The following PHKA1 variants were observed in gnomAD, a reference collection of about 807,000 sequenced individuals.
PHKA1 encodes phosphorylase b kinase regulatory subunit alpha, skeletal muscle isoform.
PHKA1 carries 60 observed loss-of-function variants against 110.2 expected under a neutral mutation model. The ratio of observed to expected loss-of-function variants is 0.54; its 90% CI spans 0.44 to 0.68. The LOEUF is 0.68. Ranked by LOEUF, PHKA1 falls within the 30% of genes least tolerant of loss-of-function variation. PHKA1 has a pLI of 0.00. For synonymous variants in PHKA1, 316 were observed against 333.6 expected (o/e 0.95, Z 0.58); for missense variants, 801 against 942.5 (o/e 0.85, Z 1.97).
chrX:72,650,993 CATGAGCCACTGCACCCAGCTGG>C (rs1556298856), intron 12 of PHKA1, among the ~76,000 whole-genome samples: 1 of 112,370 alleles, frequency 8.9e-6, no homozygotes, highest in African/African-American at 3.2e-5. Flanking sequence ...GGATTATAAG[CATGAGCCACTGCACCCAGCTGG>C]GTATAAATTA....
intron 29 of PHKA1, among the ~76,000 whole-genome samples, chrX:72,587,996 A>G (rs2052459829): frequency 9.0e-6 from 1 of 111,359 alleles, no homozygotes; most frequent in Admixed American, 9.5e-5. Context: ...AGACTTTAAC[A>G]CCCCATGTCA....
intron 29 of PHKA1, among the ~76,000 whole-genome samples, chrX:72,586,301 C>A (rs782456098): frequency 8.9e-6 from 1 of 112,188 alleles, no homozygotes; most frequent in Admixed American, 9.4e-5. Flanking sequence ...CTGGAGGGGA[C>A]CTCCAGCAAA....
intron 29 of PHKA1, among the ~76,000 whole-genome samples, chrX:72,591,559 A>G (rs1408294333): frequency 9.0e-6 from 1 of 110,796 alleles, no homozygotes; most frequent in Non-Finnish European, 1.9e-5. Flanking sequence ...TTAAAGTATA[A>G]TTAAAAAAAA....
At chrX:72,682,777 A>C (rs1416336152) in intron 5 of PHKA1, among the ~76,000 whole-genome samples, 3 of 81,350 alleles carry the variant, frequency 3.7e-5, no homozygotes, top group Non-Finnish European at 7.1e-5. Context: ...AATCAGGGAC[A>C]CAAACACTGC....
intron 16 of PHKA1, among the ~76,000 whole-genome samples, chrX:72,632,749 CA>C (rs1264876420): frequency 8.9e-6 from 1 of 111,890 alleles, no homozygotes; most frequent in Non-Finnish European, 1.9e-5. Flanking sequence ...GGTAATGTTG[CA>C]GGGACTGAAA....
At chrX:72,601,078 G>A (rs557867086) in intron 28 of PHKA1, among the ~76,000 whole-genome samples, 1 of 111,238 alleles carries the variant, frequency 9.0e-6, no homozygotes, top group South Asian at 3.8e-4. Flanking sequence ...AGCTATGGAA[G>A]CTTTTGTTAA....
chrX:72,627,091 A>T (rs1240543571), intron 16 of PHKA1, 42 bp from the exon 17 acceptor site: 1 of 974,719 alleles, frequency 1.0e-6, no homozygotes, highest in Admixed American at 2.2e-5. Context: ...TGTGGTTTTA[A>T]CTCTGAAGTA....
intron 3 of PHKA1, among the ~76,000 whole-genome samples, chrX:72,702,097 G>C (rs2054212179): frequency 9.0e-6 from 1 of 110,530 alleles, no homozygotes; most frequent in Non-Finnish European, 1.9e-5. Flanking sequence ...TGAAAACTCA[G>C]CTGTGCTTTC....
intron 2 of PHKA1, among the ~76,000 whole-genome samples, chrX:72,711,259 G>A (rs782463734): frequency 2.1e-4 from 23 of 111,732 alleles, no homozygotes; most frequent in East Asian, 1.4e-3. Flanking sequence ...TGGTCAAATT[G>A]TACCAGATAT....
rs781854761 is a variant in PHKA1, at chrX:72,712,762, A to AT, written c.237+16dup. On this transcript the variant is annotated intron_variant, in intron 2 of 31. Coordinates refer to ENST00000373542, the MANE Select transcript of PHKA1 (RefSeq NM_002637.4). ...CACACATAGCTCCAGATCTCTTTGT[A>AT]TTTTTATTTTGAGTACCTGCTCCAA... 8.3e-7 allele frequency: 1 copy of AT among 1,202,426 alleles called. No individual in the cohort carries two copies. The highest frequency in any genetic ancestry group is 1.8e-5 in the African/African-American group (1 of 56,917).
At chrX:72,606,860 C>T (rs184213099) in intron 23 of PHKA1, among the ~76,000 whole-genome samples, 15 of 111,636 alleles carry the variant, frequency 1.3e-4, no homozygotes, top group Non-Finnish European at 2.8e-4. Flanking sequence ...ACCCCCAACG[C>T]CCATAAACCC....
At chrX:72,581,445 A>G (rs2052336073) in intron 31 of PHKA1, among the ~76,000 whole-genome samples, 1 of 112,136 alleles carries the variant, frequency 8.9e-6, no homozygotes, top group African/African-American at 3.2e-5. Context: ...AATTTCTAAA[A>G]GTTAAATATA....
At chrX:72,609,272 G>A (rs1556256340) in intron 23 of PHKA1, among the ~76,000 whole-genome samples, 1 of 111,918 alleles carries the variant, frequency 8.9e-6, no homozygotes, top group East Asian at 2.8e-4. Context: ...TATTCCCCAT[G>A]AGCAGCATGG....
chrX:72,593,341 C>CTTT (rs11373841), intron 28 of PHKA1, 67 bp from the exon 29 acceptor site: 412 of 616,073 alleles, frequency 6.7e-4, no homozygotes, highest in Non-Finnish European at 8.0e-4. Flanking sequence ...AGTCTTTGAA[C>CTTT]TTTTTTTTTT....
rs554075871 is a variant in PHKA1 at position 72,595,702 on chromosome X, C to T, written c.3073-2428G>A. On this transcript the variant is annotated intron_variant, in intron 28 of 31. Coordinates refer to ENST00000373542, the MANE Select transcript of PHKA1 (RefSeq NM_002637.4). ...ACACACATGTAAAGATGCTCAACAT[C>T]ACTAATCATCATGGAAATGCGGATC... is the stretch of plus-strand genomic sequence containing the variant. 1.2e-4 allele frequency among the ~76,000 whole-genome samples: 13 copies of T among 111,600 alleles called. No individual in the cohort carries two copies. The South Asian group carries it at 5.0e-3, about 43-fold the overall frequency.
intron 29 of PHKA1, among the ~76,000 whole-genome samples, chrX:72,585,330 A>C (rs781872931): frequency 1.8e-5 from 2 of 111,879 alleles, no homozygotes; most frequent in Non-Finnish European, 3.8e-5. Context: ...ACAAAATTCT[A>C]TAAGAATTTT....
At chrX:72,697,781 G>A (rs187071947) in intron 3 of PHKA1, among the ~76,000 whole-genome samples, 223 of 109,236 alleles carry the variant, frequency 2.0e-3, no homozygotes, top group African/African-American at 7.1e-3. Context: ...TCAGGAGATC[G>A]AGACCATCCT....
intron 2 of PHKA1, 37 bp from the exon 3 acceptor site, chrX:72,705,282 T>C: frequency 9.3e-7 from 1 of 1,071,849 alleles, no homozygotes; most frequent in African/African-American, 1.8e-5. Flanking sequence ...GTTATAAACA[T>C]CCCTAGATAC....
At chrX:72,623,069 T>C (rs1556279804) in intron 18 of PHKA1, 40 bp downstream of exon 18, 1 of 1,208,919 alleles carries the variant, frequency 8.3e-7, no homozygotes, top group African/African-American at 1.7e-5. Context: ...TATTTTGTAG[T>C]TTTGTCCAGC....
Sources: gnomAD v4.1 joint callset for allele counts (sites outside exome capture counted in the v4.1 genomes callset) on GRCh38, gnomAD v4.1.1 for gene constraint, MANE v1.5 for transcripts, NCBI Gene and HGNC (gene_info 2026-07-23, HGNC 2026-07-21) for gene names.